JAM2: variants seen among roughly 807,000 people sequenced by gnomAD.
The protein encoded by JAM2 is junctional adhesion molecule 2.
Under a neutral mutation model 42.0 loss-of-function variants are expected in JAM2, and 17 were observed. The ratio of observed to expected loss-of-function variants is 0.40; its 90% CI spans 0.28 to 0.61. The LOEUF (loss-of-function observed/expected upper bound fraction) is 0.61, where lower values mean the gene tolerates loss of function less well. JAM2 is among the 20% of genes least tolerant of loss of function. The probability of loss-of-function intolerance (pLI) is 0.37; values close to 1 mark genes in which losing one functional copy is unlikely to be tolerated. For missense variants in JAM2, 319 were observed against 358.3 expected, an observed-to-expected ratio of 0.89 and a Z score of 0.89; for synonymous variants, 118 against 128.6, an observed-to-expected ratio of 0.92 and a Z score of 0.56.
intron 1 of JAM2, among the ~76,000 whole-genome samples, chr21:25,657,036 T>C (rs1008340438): frequency 5.9e-5 from 9 of 152,228 alleles, no homozygotes; most frequent in Non-Finnish European, 1.3e-4. Flanking sequence ...ATAGAGCAGT[T>C]ATCCCACTTA....
intron 1 of JAM2, among the ~76,000 whole-genome samples, chr21:25,655,156 T>C (rs2032894787): frequency 6.6e-6 from 1 of 152,214 alleles, no homozygotes; most frequent in Non-Finnish European, 1.5e-5. Context: ...TATGATTTGC[T>C]TTAATATTCT....
chr21:25,642,734 A>G (rs1383442148), intron 1 of JAM2, among the ~76,000 whole-genome samples: 2 of 152,226 alleles, frequency 1.3e-5, no homozygotes, highest in East Asian at 1.9e-4. Context: ...GCTCACCACT[A>G]TATGTCCAGT....
chr21:25,660,543 G>A (rs574441762), intron 1 of JAM2, among the ~76,000 whole-genome samples: 2 of 151,774 alleles, frequency 1.3e-5, no homozygotes, highest in Admixed American at 6.6e-5. Context: ...AGCTTGCTGT[G>A]TGCCAGACAG....
intron 1 of JAM2, among the ~76,000 whole-genome samples, chr21:25,679,204 A>G (rs1483952348): frequency 6.6e-6 from 1 of 152,250 alleles, no homozygotes; most frequent in African/African-American, 2.4e-5. Context: ...ACATGTTGAT[A>G]TATAGAGATG....
rs2034177059 is a variant in JAM2 at position 25,702,069 on chromosome 21, GA to G, written c.598-98del. The stretch of plus-strand genomic sequence containing the variant: ...CAGAAAGTCCCAAATTTTTAAAAAG[GA>G]AAGACAAACTTAATGCTAAAATTTG... On this transcript the variant is annotated intron_variant, in intron 5 of 9. Coordinates refer to ENST00000480456, the MANE Select transcript of JAM2 (RefSeq NM_021219.4). The G allele has an allele frequency of 7.3e-6, 4 of 545,288 alleles. No homozygotes were observed. The Admixed American group carries it at 1.4e-4, about 19-fold the overall frequency. The allele number at this position is 545,288 out of a possible 1,614,324, so 33.8% of individuals were successfully genotyped here.
chr21:25,671,964 G>A (rs192360548), intron 1 of JAM2, among the ~76,000 whole-genome samples: 1 of 152,322 alleles, frequency 6.6e-6, no homozygotes, highest in East Asian at 1.9e-4. Context: ...AATTCACTCA[G>A]TAAAGCAGAG....
At chr21:25,662,407 C>T (rs905016006) in intron 1 of JAM2, among the ~76,000 whole-genome samples, 1 of 149,782 alleles carries the variant, frequency 6.7e-6, no homozygotes, top group Non-Finnish European at 1.5e-5. Context: ...GCCTCAGCCT[C>T]CCAGAGTGCT....
At chr21:25,701,372 CCTTT>C (rs2034160099) in intron 5 of JAM2, among the ~76,000 whole-genome samples, 1 of 151,668 alleles carries the variant, frequency 6.6e-6, no homozygotes, top group Admixed American at 6.6e-5. Flanking sequence ...TCCCTCCAGC[CCTTT>C]CTTCTTTCCT....
In JAM2 at chr21:25,706,321, G is replaced by A. The variant is rs2026224; in HGVS notation, c.805+235G>A. On this transcript the variant is annotated intron_variant, in intron 7 of 9. Transcript: ENST00000480456. ...CTCAGCCTCCCAAATAGCTGGGATTGCAAGTGTGCACCAACACACCCAGCT... is the reference window on the plus strand; with the variant it reads ...CTCAGCCTCCCAAATAGCTGGGATTACAAGTGTGCACCAACACACCCAGCT... Among the ~76,000 whole-genome samples, 151,845 of 152,218 alleles carry A rather than the reference G, an allele frequency of 1. 75,737 individuals are homozygous for A. Among genetic ancestry groups the A allele is most frequent in the Non-Finnish European group, 1 (68,012 of 68,012 alleles).
chr21:25,673,382 T>C (rs2033405412), intron 1 of JAM2, among the ~76,000 whole-genome samples: 1 of 152,218 alleles, frequency 6.6e-6, no homozygotes, highest in African/African-American at 2.4e-5. Flanking sequence ...TATCCTCAAT[T>C]CTGAATCATC....
chr21:25,682,921 T>A (rs1440649611), intron 1 of JAM2, among the ~76,000 whole-genome samples: 2 of 152,064 alleles, frequency 1.3e-5, no homozygotes, highest in African/African-American at 4.8e-5. Flanking sequence ...TCCTCATCTA[T>A]CTTTCTTTGC....
chr21:25,700,649 C>T (rs1032856167), intron 5 of JAM2, among the ~76,000 whole-genome samples: 5 of 152,134 alleles, frequency 3.3e-5, no homozygotes, highest in Non-Finnish European at 7.4e-5. Flanking sequence ...TGTGAGCCAC[C>T]GTACCCAGCC....
chr21:25,696,141 C>T (rs2034022562), intron 4 of JAM2, among the ~76,000 whole-genome samples: 1 of 152,152 alleles, frequency 6.6e-6, no homozygotes, highest in Non-Finnish European at 1.5e-5. Flanking sequence ...ATCCCGGCAC[C>T]TCGGGAGGCC....
chr21:25,699,722 CAAAAAAAAAAAAAAAAAAAA>C (rs59490509), intron 5 of JAM2, among the ~76,000 whole-genome samples: 5 of 41,942 alleles, frequency 1.2e-4, no homozygotes, highest in African/African-American at 3.7e-4. Context: ...GGCTCCGTCT[CAAAAAAAAAAAAAAAAAAAA>C]AAAAAAAAAA....
At chr21:25,661,735 A>T (rs774541989) in intron 1 of JAM2, among the ~76,000 whole-genome samples, 3 of 152,120 alleles carry the variant, frequency 2.0e-5, no homozygotes, top group Non-Finnish European at 4.4e-5. Flanking sequence ...GATAGTGTTA[A>T]GAACCAATAA....
chr21:25,649,345 GAAGCA>G (rs2032705603), intron 1 of JAM2, among the ~76,000 whole-genome samples: 1 of 152,188 alleles, frequency 6.6e-6, no homozygotes, highest in South Asian at 2.1e-4. Context: ...GGCAGAAGGG[GAAGCA>G]AACACATTCT....
intron 1 of JAM2, among the ~76,000 whole-genome samples, chr21:25,651,294 A>C (rs879478729): frequency 2.0e-5 from 3 of 152,216 alleles, no homozygotes; most frequent in Admixed American, 6.5e-5. Context: ...AATGGCACAC[A>C]AAAAACCCAG....
intron 3 of JAM2, among the ~76,000 whole-genome samples, chr21:25,691,609 G>A (rs935271740): frequency 3.3e-5 from 5 of 152,104 alleles, no homozygotes; most frequent in African/African-American, 1.2e-4. Context: ...AGTGTTACGT[G>A]AGCCACCACA....
At chr21:25,699,634 A>G (rs892389000) in intron 5 of JAM2, among the ~76,000 whole-genome samples, 3 of 147,012 alleles carry the variant, frequency 2.0e-5, no homozygotes, top group Non-Finnish European at 3.0e-5. Context: ...GAGGCAGGAG[A>G]ATGGCGTGAA....
Sources: gnomAD v4.1 joint callset for allele counts (sites outside exome capture counted in the v4.1 genomes callset) on GRCh38, gnomAD v4.1.1 for gene constraint, MANE v1.5 for transcripts, NCBI Gene and HGNC (gene_info 2026-07-23, HGNC 2026-07-21) for gene names.